The following HPSE2 variants were observed in gnomAD, a reference collection of about 807,000 sequenced individuals.
The protein encoded by HPSE2 is inactive heparanase-2.
Under a neutral mutation model 60.5 loss-of-function variants are expected in HPSE2, and 38 were observed. The observed-to-expected ratio is 0.63, with a 90% CI of 0.48 to 0.82. The LOEUF (loss-of-function observed/expected upper bound fraction) is 0.82, where lower values mean the gene tolerates loss of function less well. HPSE2 is among the 40% of genes least tolerant of loss of function. The pLI, the probability that HPSE2 is intolerant of heterozygous loss-of-function variation, is 0.00. For synonymous variants in HPSE2, 295 were observed against 293.2 expected, an observed-to-expected ratio of 1.01 and a Z score of -0.06; for missense variants, 713 against 740.4, an observed-to-expected ratio of 0.96 and a Z score of 0.43.
At chr10:99,178,922 C>T (rs1293638293) in intron 2 of HPSE2, among the ~76,000 whole-genome samples, 1 of 152,146 alleles carries the variant, frequency 6.6e-6, no homozygotes, top group Non-Finnish European at 1.5e-5. Flanking sequence ...TTATCCACCA[C>T]GATCAAGTTG....
chr10:98,912,449 C>T (rs981925335), intron 3 of HPSE2, among the ~76,000 whole-genome samples: 3 of 152,122 alleles, frequency 2.0e-5, no homozygotes, highest in East Asian at 1.9e-4. Context: ...TGGGCATATA[C>T]CCAAAAGAAA....
At chr10:98,541,854 G>A (rs534157711) in intron 9 of HPSE2, among the ~76,000 whole-genome samples, 11 of 152,322 alleles carry the variant, frequency 7.2e-5, no homozygotes, top group Admixed American at 4.6e-4. Flanking sequence ...GCTCAAGGAG[G>A]CCTGCCTGCC....
intron 4 of HPSE2, among the ~76,000 whole-genome samples, chr10:98,738,339 A>G (rs1213760018): frequency 6.6e-6 from 1 of 152,244 alleles, no homozygotes; most frequent in African/African-American, 2.4e-5. Context: ...GATGGATTAA[A>G]GAGTTAAACG....
At chr10:98,938,510 G>A (rs1387518404) in intron 3 of HPSE2, among the ~76,000 whole-genome samples, 1 of 143,834 alleles carries the variant, frequency 7.0e-6, no homozygotes, top group Non-Finnish European at 1.5e-5. Context: ...TGAAATGAAT[G>A]AAATGAAGCA....
intron 3 of HPSE2, among the ~76,000 whole-genome samples, chr10:99,112,033 G>A (rs1231416390): frequency 6.6e-6 from 1 of 152,146 alleles, no homozygotes; most frequent in Non-Finnish European, 1.5e-5. Flanking sequence ...GCACATTCTA[G>A]GTGCTCAAAT....
At chr10:98,672,005 G>A (rs1303551033) in intron 6 of HPSE2, among the ~76,000 whole-genome samples, 3 of 152,150 alleles carry the variant, frequency 2.0e-5, no homozygotes, top group African/African-American at 4.8e-5. Context: ...AATGTTTGAC[G>A]ACATTTTTCA....
chr10:98,547,832 AACAC>A lies in HPSE2; in HGVS notation c.1321-57640_1321-57637del, dbSNP rs61422513. Reference sequence around the variant, plus strand: ...ATAATAAAAAAAAGAATAGAACACAAACACACACACACACACACACAAACTCAAG... The same window carrying A: ...ATAATAAAAAAAAGAATAGAACACAAACACACACACACACACAAACTCAAG... On this transcript the variant is annotated intron_variant, in intron 9 of 11. Transcript: ENST00000370552. Among the ~76,000 whole-genome samples, 558 of 148,334 alleles carry A rather than the reference AACAC, an allele frequency of 3.8e-3. 5 individuals carry two copies. The highest frequency in any genetic ancestry group is 6.0e-3 in the South Asian group (28 of 4,650).
intron 6 of HPSE2, among the ~76,000 whole-genome samples, chr10:98,688,960 A>C (rs1465759714): frequency 2.6e-5 from 4 of 151,948 alleles, no homozygotes; most frequent in African/African-American, 9.7e-5. Context: ...TCTGATGTCA[A>C]ATAAGTCATC....
the HPSE2 span, among the ~76,000 whole-genome samples, chr10:99,309,601 A>G: frequency 6.6e-6 from 1 of 152,358 alleles, no homozygotes; most frequent in South Asian, 2.1e-4. Context: ...ATGAAGTTTT[A>G]TTGAACACAG....
intron 6 of HPSE2, among the ~76,000 whole-genome samples, chr10:98,688,105 T>C (rs1293420563): frequency 6.6e-6 from 1 of 152,160 alleles, no homozygotes; most frequent in African/African-American, 2.4e-5. Context: ...TTGTCATTAT[T>C]TTTAAAGGGA....
At chr10:98,895,536 G>C (rs74428880) in intron 3 of HPSE2, among the ~76,000 whole-genome samples, 2,434 of 152,182 alleles carry the variant, frequency 0.016, 33 homozygotes, top group Middle Eastern at 0.044. Flanking sequence ...TAAGTACTCT[G>C]ATCTTCAAAA....
intron 3 of HPSE2, among the ~76,000 whole-genome samples, chr10:98,890,900 A>T (rs368665725): frequency 1.1e-4 from 17 of 152,216 alleles, no homozygotes; most frequent in African/African-American, 3.1e-4. Flanking sequence ...TCCAAATATC[A>T]ATTGAACTCT....
At chr10:98,499,410 T>C (rs1941957150) in intron 9 of HPSE2, among the ~76,000 whole-genome samples, 2 of 152,228 alleles carry the variant, frequency 1.3e-5, no homozygotes, top group South Asian at 4.1e-4. Context: ...CTAAGCATCA[T>C]ATATGATGGA....
chr10:99,044,514 G>A (rs1273405364), intron 3 of HPSE2, among the ~76,000 whole-genome samples: 2 of 152,190 alleles, frequency 1.3e-5, no homozygotes, highest in Middle Eastern at 3.4e-3. Context: ...CAAAAGTAAC[G>A]CTGAATGTAA....
chr10:98,548,326 C>G (rs552357159), intron 9 of HPSE2, among the ~76,000 whole-genome samples: 1 of 152,184 alleles, frequency 6.6e-6, no homozygotes, highest in Admixed American at 6.5e-5. Context: ...TTCAGTAGTT[C>G]AGAGATGAGA....
chr10:98,466,408 T>C (rs1591215367), intron 11 of HPSE2, among the ~76,000 whole-genome samples: 2 of 152,168 alleles, frequency 1.3e-5, no homozygotes, highest in East Asian at 3.9e-4. Context: ...AGTCAGGAGT[T>C]CGAGACCAGC....
intron 4 of HPSE2, among the ~76,000 whole-genome samples, chr10:98,737,679 T>A (rs1949392476): frequency 6.6e-6 from 1 of 152,198 alleles, no homozygotes; most frequent in South Asian, 2.1e-4. Flanking sequence ...TATACATCAA[T>A]AATACACAAA....
chr10:98,764,100 C>T (rs1950066918), intron 3 of HPSE2, among the ~76,000 whole-genome samples: 2 of 151,856 alleles, frequency 1.3e-5, no homozygotes, highest in African/African-American at 4.8e-5. Flanking sequence ...GTTGAAATTC[C>T]TTCAGATAAT....
chr10:98,590,731 A>C (rs1945067659), intron 9 of HPSE2, among the ~76,000 whole-genome samples: 1 of 152,182 alleles, frequency 6.6e-6, no homozygotes, highest in South Asian at 2.1e-4. Flanking sequence ...AATTTATGAT[A>C]AAGTAGCTTC....
Sources: gnomAD v4.1 joint callset for allele counts (sites outside exome capture counted in the v4.1 genomes callset) on GRCh38, gnomAD v4.1.1 for gene constraint, MANE v1.5 for transcripts, NCBI Gene and HGNC (gene_info 2026-07-23, HGNC 2026-07-21) for gene names.